The following CLVS1 variants were observed in gnomAD, a reference collection of about 807,000 sequenced individuals.
CLVS1 encodes the protein clavesin-1.
A neutral mutation model predicts 33.1 loss-of-function variants in CLVS1; 10 were observed. The observed-to-expected ratio is 0.30, with a 90% CI of 0.19 to 0.51. The LOEUF (loss-of-function observed/expected upper bound fraction) is 0.51. Ranked by LOEUF, CLVS1 falls within the 20% of genes least tolerant of loss-of-function variation. The pLI, the probability that CLVS1 is intolerant of heterozygous loss-of-function variation, is 0.97. For synonymous variants in CLVS1, 163 were observed against 166.1 expected, an observed-to-expected ratio of 0.98 and a Z score of 0.14; for missense variants, 343 against 433.4, an observed-to-expected ratio of 0.79 and a Z score of 1.85.
At chr8:61,032,683 A>G in the CLVS1 span, among the ~76,000 whole-genome samples, 18 of 152,128 alleles carry the variant, frequency 1.2e-4, no homozygotes, top group Admixed American at 9.2e-4. Context: ...CATCCAACAC[A>G]TGAGATTCAG....
At chr8:61,042,476 A>G in the CLVS1 span, among the ~76,000 whole-genome samples, 2 of 117,954 alleles carry the variant, frequency 1.7e-5, no homozygotes, top group Non-Finnish European at 3.3e-5. Context: ...GTTTCTCACA[A>G]TTTTGGAGCC....
intron 2 of CLVS1, among the ~76,000 whole-genome samples, chr8:61,220,933 C>T (rs1315462026): frequency 6.6e-6 from 1 of 151,866 alleles, no homozygotes; most frequent in Non-Finnish European, 1.5e-5. Flanking sequence ...TTATTTTATT[C>T]TCTAGTGTAG....
intron 3 of CLVS1, among the ~76,000 whole-genome samples, chr8:61,431,994 A>G (rs1244499098): frequency 1.3e-5 from 2 of 152,224 alleles, no homozygotes; most frequent in Non-Finnish European, 2.9e-5. Flanking sequence ...GTCTATCTTC[A>G]AAGACAAGTA....
intron 2 of CLVS1, among the ~76,000 whole-genome samples, chr8:61,180,029 CA>C (rs566859131): frequency 1.9e-3 from 295 of 151,868 alleles, no homozygotes; most frequent in Non-Finnish European, 3.1e-3. Context: ...AGAAACCCTC[CA>C]AAAAATCAAT....
intron 1 of CLVS1, among the ~76,000 whole-genome samples, chr8:61,074,009 C>CAA (rs35959369): frequency 0.044 from 3,106 of 69,932 alleles, 185 homozygotes; most frequent in African/African-American, 0.14. Context: ...GACTCCGTCT[C>CAA]AAAAAAAAAA....
Position 61,500,201 on chromosome 8 carries a change from C to T in CLVS1, c.*659C>T, listed in dbSNP as rs566948346. 105 of 152,538 alleles carry T rather than the reference C, an allele frequency of 6.9e-4. 1 individual carries two copies. In the Middle Eastern group the frequency reaches 0.027, roughly 40 times the overall value. The allele number at this position is 152,538 out of a possible 1,614,324, so 9.4% of individuals were successfully genotyped here. A position where few individuals can be genotyped will look rare whatever the true frequency, so the allele number is the denominator to read the frequency against. Reference sequence around the variant, plus strand: ...TCACTAGCTGACTGTCATGAGCTGACGTTAAAGGAAGACACATGGACGTGA... The same window carrying T: ...TCACTAGCTGACTGTCATGAGCTGATGTTAAAGGAAGACACATGGACGTGA... On this transcript the variant is annotated 3_prime_UTR_variant, in exon 6 of 6. Transcript: ENST00000325897.
chr8:61,422,160 C>T (rs1815703616), intron 3 of CLVS1, among the ~76,000 whole-genome samples: 1 of 151,260 alleles, frequency 6.6e-6, no homozygotes, highest in South Asian at 2.1e-4. Context: ...GAGTGGATTA[C>T]ATTCAACTTT....
At chr8:61,334,896 G>C (rs1415389668) in intron 2 of CLVS1, among the ~76,000 whole-genome samples, 1 of 152,214 alleles carries the variant, frequency 6.6e-6, no homozygotes, top group Non-Finnish European at 1.5e-5. Context: ...GGCTGTGCAG[G>C]AGACCAGAGT....
At chr8:61,455,117 A>G (rs1817099013) in intron 4 of CLVS1, among the ~76,000 whole-genome samples, 1 of 151,850 alleles carries the variant, frequency 6.6e-6, no homozygotes, top group Non-Finnish European at 1.5e-5. Context: ...ATACCTATGC[A>G]TTGTGAAATG....
chr8:60,976,377 A>T, the CLVS1 span, among the ~76,000 whole-genome samples: 16 of 150,500 alleles, frequency 1.1e-4, no homozygotes, highest in Admixed American at 8.6e-4. Flanking sequence ...TTTTTTTTAG[A>T]GACAAGTTCT....
intron 2 of CLVS1, among the ~76,000 whole-genome samples, chr8:61,330,719 T>G (rs1811561722): frequency 6.6e-6 from 1 of 152,182 alleles, no homozygotes; most frequent in African/African-American, 2.4e-5. Context: ...TCCTCTGTGT[T>G]GTCTCTGCTA....
intron 1 of CLVS1, among the ~76,000 whole-genome samples, chr8:61,296,111 CCT>C (rs1810199705): frequency 6.6e-6 from 1 of 152,078 alleles, no homozygotes; most frequent in South Asian, 2.1e-4. Flanking sequence ...CTTTCTAGTG[CCT>C]TAAATATTAT....
At chr8:60,984,351 G>A in the CLVS1 span, among the ~76,000 whole-genome samples, 5 of 132,742 alleles carry the variant, frequency 3.8e-5, no homozygotes, top group Admixed American at 8.3e-5. Context: ...ACAGAATTCC[G>A]CTTTTGTCAC....
At chr8:61,033,559 A>T in the CLVS1 span, among the ~76,000 whole-genome samples, 10 of 151,798 alleles carry the variant, frequency 6.6e-5, no homozygotes, top group African/African-American at 9.7e-5. Context: ...GTCAGGGGGG[A>T]GTGTGGGTGG....
intron 1 of CLVS1, chr8:61,131,684 T>TC (rs56859160): frequency 1.3e-5 from 2 of 152,066 alleles, no homozygotes; most frequent in East Asian, 3.9e-4. Context: ...TTTTTTTTTT[T>TC]CTTTAACCAT....
rs564403121 is a variant in CLVS1, at chr8:61,174,846, C to T, written c.-152+42986C>T. 1.7e-4 allele frequency among the ~76,000 whole-genome samples: 26 copies of T among 152,296 alleles called. No homozygotes were observed. The Middle Eastern group carries it at 0.014, about 80-fold the overall frequency. ...GAAATGTATTGAAATTTTTATCCCC[C>T]CCGTCAGCTTCCCTTATCATTACTC... On this transcript the variant is annotated intron_variant, in intron 2 of 2. Transcript: ENST00000522621.
In CLVS1 at chr8:61,216,844, G is replaced by A. The variant is rs180977053; in HGVS notation, c.-151-82833G>A. Among the ~76,000 whole-genome samples, 484 of 152,174 alleles carry A rather than the reference G, an allele frequency of 3.2e-3. 2 individuals carry two copies. The highest frequency in any genetic ancestry group is 4.9e-3 in the Non-Finnish European group (334 of 67,988). On this transcript the variant is annotated intron_variant, in intron 2 of 2. Coordinates refer to the CLVS1 transcript ENST00000522621. Reference sequence around the variant, plus strand: ...TGAAATTTGGGCAGATTTCTTATTGGTGTTCTTTTTTTATGTCAGTATATA... The same window carrying A: ...TGAAATTTGGGCAGATTTCTTATTGATGTTCTTTTTTTATGTCAGTATATA...
intron 2 of CLVS1, among the ~76,000 whole-genome samples, chr8:61,276,912 C>T (rs2931290): frequency 0.26 from 39,876 of 152,114 alleles, 6,377 homozygotes; most frequent in Non-Finnish European, 0.34. Flanking sequence ...CAAATAGATC[C>T]GAGCACAGTG....
At chr8:61,383,300 C>T (rs902867045) in intron 3 of CLVS1, among the ~76,000 whole-genome samples, 2 of 152,208 alleles carry the variant, frequency 1.3e-5, no homozygotes, top group Non-Finnish European at 2.9e-5. Flanking sequence ...TGAATCCTTT[C>T]CCAATGCCTT....
Sources: gnomAD v4.1 joint callset for allele counts (sites outside exome capture counted in the v4.1 genomes callset) on GRCh38, gnomAD v4.1.1 for gene constraint, MANE v1.5 for transcripts, NCBI Gene and HGNC (gene_info 2026-07-23, HGNC 2026-07-21) for gene names.